The following HUWE1 variants were observed in gnomAD, a reference collection of about 807,000 sequenced individuals.
HUWE1 encodes the protein HECT, UBA and WWE domain containing E3 ubiquitin protein ligase 1.
A neutral mutation model predicts 299.4 loss-of-function variants in HUWE1; 18 were observed. The observed-to-expected ratio is 0.06, with a 90% CI of 0.04 to 0.09. The LOEUF is 0.09. Ranked by LOEUF, HUWE1 falls within the 10% of genes least tolerant of loss-of-function variation. The pLI is 1.00. For synonymous variants in HUWE1, 1,317 were observed against 1,286.1 expected (o/e 1.02, Z -0.51); for missense variants, 1,832 against 3,462.3 (o/e 0.53, Z 11.82).
intron 3 of HUWE1, among the ~76,000 whole-genome samples, chrX:53,667,056 G>A (rs1557047850): frequency 9.0e-6 from 1 of 111,658 alleles, no homozygotes; most frequent in African/African-American, 3.3e-5. Context: ...GTACAGAAAT[G>A]TAGAAAATAA....
chrX:53,636,838 G>C (rs1035823836), intron 7 of HUWE1, among the ~76,000 whole-genome samples: 1 of 112,230 alleles, frequency 8.9e-6, no homozygotes, highest in Non-Finnish European at 1.9e-5. Flanking sequence ...AGAAAACTGT[G>C]AAGTAAATTG....
intron 3 of HUWE1, among the ~76,000 whole-genome samples, chrX:53,662,925 C>CA (rs35680084): frequency 7.4e-5 from 8 of 108,668 alleles, no homozygotes; most frequent in African/African-American, 2.7e-4. Flanking sequence ...CCATCTCTAC[C>CA]AAAAAAAATA....
At chrX:53,639,239 G>A (rs188032719) in intron 7 of HUWE1, among the ~76,000 whole-genome samples, 69 of 111,982 alleles carry the variant, frequency 6.2e-4, no homozygotes, top group Admixed American at 4.2e-3. Flanking sequence ...GCATAAAGAT[G>A]CTCAAAATCA....
intron 3 of HUWE1, among the ~76,000 whole-genome samples, chrX:53,658,061 A>AAAAAAAAAAG (rs2068834531): frequency 1.9e-5 from 2 of 107,765 alleles, no homozygotes; most frequent in African/African-American, 6.7e-5. Context: ...AAAAAAAAAA[A>AAAAAAAAAAG]AGTCAATTGC....
chrX:53,612,839 A>G (rs1557003663), intron 23 of HUWE1, among the ~76,000 whole-genome samples: 2 of 111,835 alleles, frequency 1.8e-5, no homozygotes, highest in Non-Finnish European at 3.8e-5. Context: ...ATAGCCCAAG[A>G]AAGGAAAGGA....
At chrX:53,566,271 G>C (rs1556945967) in intron 49 of HUWE1, among the ~76,000 whole-genome samples, 1 of 105,377 alleles carries the variant, frequency 9.5e-6, no homozygotes, top group African/African-American at 3.5e-5. Flanking sequence ...GAAGGGATAA[G>C]GTAAGCCTGG....
rs374831337 is a variant in HUWE1 at position 53,631,540 on chromosome X, G to A, written c.693+27C>T. 5.7e-5 allele frequency: 67 copies of A among 1,183,213 alleles called. 1 individual carries two copies. The highest frequency in any genetic ancestry group is 7.5e-5 in the Non-Finnish European group (65 of 871,775). On this transcript the variant is annotated intron_variant, in intron 10 of 83. Coordinates refer to ENST00000262854, the MANE Select transcript of HUWE1 (RefSeq NM_031407.7). ...AAAAGTGAACCAAACATTAAGAAAC[G>A]AGCCAAGAGTCAAAGATTCCTCTTA...
rs138690081 is a variant in HUWE1 at position 53,614,930 on chromosome X, C to T, written c.2050-185G>A. On this transcript the variant is annotated intron_variant, in intron 22 of 83. Transcript: ENST00000262854. ...TTTTATAAACAAGGGAATAGAAGTG[C>T]TGCAAACTTAAATAATTTGTTGAGC... 0.011 allele frequency among the ~76,000 whole-genome samples: 1,206 copies of T among 110,944 alleles called. 22 individuals are homozygous for T. The highest frequency in any genetic ancestry group is 0.038 in the African/African-American group (1,158 of 30,454).
Position 53,575,648 on chromosome X carries a change from T to C in HUWE1, c.6025A>G (p.Ile2009Val), listed in dbSNP as rs2063069688. Reference sequence around the variant, plus strand: ...CGCTGTTGGAATTGACTTACATTAATGGAAAAACCTGACTGCGTATCAAAG... The same window carrying C: ...CGCTGTTGGAATTGACTTACATTAACGGAAAAACCTGACTGCGTATCAAAG... The part of the protein sequence containing the change: ...SDFDTQSGFS[I>V]NSQVFAADGA... The change falls in exon 45 of 84, where the codon ATT (isoleucine) becomes GTT (valine). Residue 2009 changes from isoleucine (I) to valine (V), a missense_variant. Ile to Val is a conservative substitution (Grantham distance 29, BLOSUM62 3). Around this residue, in one of 15 missense-constraint regions of HUWE1, gnomAD observed 157 missense variants for 252.3 expected, o/e 0.62. Transcript: ENST00000262854. The C allele has an allele frequency of 5.0e-6, 6 of 1,211,045 alleles. No homozygotes were observed. The East Asian group carries it at 8.9e-5, about 18-fold the overall frequency.
intron 28 of HUWE1, among the ~76,000 whole-genome samples, chrX:53,601,131 T>C (rs1384541565): frequency 9.0e-6 from 1 of 111,444 alleles, no homozygotes; most frequent in Non-Finnish European, 1.9e-5. Context: ...GCTTTATTAG[T>C]TCCTTAGAAA....
intron 3 of HUWE1, among the ~76,000 whole-genome samples, chrX:53,673,959 A>T (rs1382463689): frequency 9.0e-6 from 1 of 111,152 alleles, no homozygotes; most frequent in Non-Finnish European, 1.9e-5. Context: ...CATAGTATGT[A>T]CTCTCTTGCA....
intron 42 of HUWE1, among the ~76,000 whole-genome samples, chrX:53,582,086 T>G (rs1449590818): frequency 8.9e-6 from 1 of 112,099 alleles, no homozygotes; most frequent in Non-Finnish European, 1.9e-5. Context: ...ACTTTACATT[T>G]TGCCATCTTG....
chrX:53,551,082 GTC>G lies in HUWE1; in HGVS notation c.9202_9203del (p.Asp3068ProfsTer4). The G allele has an allele frequency of 8.3e-7, 1 of 1,211,875 alleles. No individual in the cohort carries two copies. Among genetic ancestry groups the G allele is most frequent in the Non-Finnish European group, 1.1e-6 (1 of 895,441 alleles). The stretch of plus-strand genomic sequence containing the variant: ...TATCCTCTAGGACACTACGGCGCAG[GTC>G]TGAGGGCAGAGTCTGGATGAAGGTC... ...PVTFIQTLPSDLRRSVLEDME... is the reference protein window; with the variant it reads ...PVTFIQTLPSXLRRSVLEDME... On this transcript the variant is annotated frameshift_variant, in exon 65 of 84. Transcript: ENST00000262854. LOFTEE classifies it high-confidence loss of function.
At chrX:53,674,864 A>G (rs1289120083) in intron 3 of HUWE1, among the ~76,000 whole-genome samples, 1 of 111,955 alleles carries the variant, frequency 8.9e-6, no homozygotes, top group African/African-American at 3.2e-5. Flanking sequence ...CATTTAAAGG[A>G]TGAGGAAACT....
intron 50 of HUWE1, 91 bp from the exon 51 acceptor site, chrX:53,564,813 T>G (rs2062450845): frequency 1.1e-5 from 12 of 1,093,565 alleles, no homozygotes; most frequent in Non-Finnish European, 1.4e-5. Context: ...GGTCCCTTCC[T>G]TGGGCAAGTT....
In HUWE1 at chrX:53,653,557, G is replaced by A. The variant is rs191907437; in HGVS notation, c.45+506C>T. 4.7e-4 allele frequency among the ~76,000 whole-genome samples: 53 copies of A among 111,689 alleles called. No individual in the cohort carries two copies. In the East Asian group the frequency reaches 0.011, roughly 24 times the overall value. On this transcript the variant is annotated intron_variant, in intron 4 of 83. Transcript: ENST00000262854. Reference sequence around the variant, plus strand: ...GATTAAAGCTGGGATTTCTACTGTCGACAAAGGGTTAATTGATATGACCAC... The same window carrying A: ...GATTAAAGCTGGGATTTCTACTGTCAACAAAGGGTTAATTGATATGACCAC...
intron 60 of HUWE1, among the ~76,000 whole-genome samples, chrX:53,555,462 ACT>A (rs1274215793): frequency 1.8e-5 from 2 of 108,960 alleles, no homozygotes; most frequent in Non-Finnish European, 3.8e-5. Flanking sequence ...AGTAGCTGAG[ACT>A]ATAGGCATGT....
chrX:53,642,225 T>C (rs782793695), intron 7 of HUWE1, among the ~76,000 whole-genome samples: 1 of 112,303 alleles, frequency 8.9e-6, no homozygotes, highest in Admixed American at 9.4e-5. Flanking sequence ...TCAGATTCCC[T>C]TCTATCAAAG....
chrX:53,663,363 A>G (rs2069100311), intron 3 of HUWE1, among the ~76,000 whole-genome samples: 1 of 111,961 alleles, frequency 8.9e-6, no homozygotes, highest in South Asian at 3.7e-4. Context: ...ATACAAAAAA[A>G]TTAGCCGGGT....
Sources: gnomAD v4.1 joint callset for allele counts (sites outside exome capture counted in the v4.1 genomes callset) on GRCh38, gnomAD v4.1.1 for gene constraint, gnomAD v4.1.1 regional missense constraint, MANE v1.5 for transcripts, NCBI Gene and HGNC (gene_info 2026-07-23, HGNC 2026-07-21) for gene names.